RBFOX1: variants seen among roughly 807,000 people sequenced by gnomAD.
RBFOX1 encodes RNA binding protein fox-1 homolog 1.
RBFOX1 carries 8 observed loss-of-function variants against 57.7 expected under a neutral mutation model. That is an observed-to-expected ratio of 0.14 (90% confidence interval 0.08 to 0.25). The LOEUF (loss-of-function observed/expected upper bound fraction) is 0.25. RBFOX1 is among the 10% of genes least tolerant of loss of function. The pLI is 1.00. For synonymous variants in RBFOX1, 326 were observed against 222.4 expected (o/e 1.47, Z -4.15); for missense variants, 611 against 548.5 (o/e 1.11, Z -1.14).
intron 2 of RBFOX1, among the ~76,000 whole-genome samples, chr16:6,643,664 G>A (rs1310905499): frequency 6.6e-6 from 1 of 152,162 alleles, no homozygotes; most frequent in Non-Finnish European, 1.5e-5. Context: ...ATAGCTCGTA[G>A]ACCAGATGGA....
intron 1 of RBFOX1, among the ~76,000 whole-genome samples, chr16:6,252,036 A>G (rs1245563549): frequency 6.6e-6 from 1 of 152,120 alleles, no homozygotes; most frequent in Non-Finnish European, 1.5e-5. Context: ...CGAGAATTTT[A>G]GGTCTCCTTG....
chr16:5,562,357 G>T (rs1250795554), intron 2 of RBFOX1, among the ~76,000 whole-genome samples: 3 of 152,148 alleles, frequency 2.0e-5, no homozygotes, highest in African/African-American at 7.2e-5. Context: ...GGAACTGCTG[G>T]GGTCAGGATT....
intron 3 of RBFOX1, among the ~76,000 whole-genome samples, chr16:5,742,574 T>C (rs76526268): frequency 5.7e-3 from 875 of 152,280 alleles, no homozygotes; most frequent in Non-Finnish European, 9.5e-3. Flanking sequence ...TGGCACATAG[T>C]AGATATCCAC....
chr16:6,817,580 C>T (rs962772363), intron 3 of RBFOX1, among the ~76,000 whole-genome samples: 5 of 149,648 alleles, frequency 3.3e-5, no homozygotes, highest in African/African-American at 4.9e-5. Context: ...GTGGCGCATG[C>T]GTGTAATTGC....
chr16:5,565,350 G>T (rs1417490142), intron 2 of RBFOX1, among the ~76,000 whole-genome samples: 1 of 152,176 alleles, frequency 6.6e-6, no homozygotes, highest in African/African-American at 2.4e-5. Flanking sequence ...TCATGGCCGG[G>T]CGCAGTGGCT....
rs184083770 is a variant in RBFOX1 at position 5,831,458 on chromosome 16, A to C, written c.319-35845A>C. ...TATCCTGTAGAACTGTAAGCCAATT[A>C]AACCTCTTTTCTCTTTTATTATTAT... On this transcript the variant is annotated intron_variant, in intron 3 of 19. Transcript: ENST00000641259. Among the ~76,000 whole-genome samples the C allele has an allele frequency of 1.0e-3, 143 of 141,238 alleles. 2 individuals carry two copies. Among genetic ancestry groups the C allele is most frequent in the African/African-American group, 3.7e-3 (137 of 37,446 alleles). 92.7% of individuals were successfully genotyped at this position (141,238 alleles called of 152,430 possible). A position where few individuals can be genotyped will look rare whatever the true frequency, so the allele number is the denominator to read the frequency against.
chr16:5,433,490 A>T (rs746457339), intron 1 of RBFOX1, among the ~76,000 whole-genome samples: 3 of 152,180 alleles, frequency 2.0e-5, no homozygotes, highest in Non-Finnish European at 4.4e-5. Flanking sequence ...TCCTGATGGC[A>T]TCTTTGAGGA....
intron 3 of RBFOX1, among the ~76,000 whole-genome samples, chr16:6,674,471 G>C (rs1442833956): frequency 1.3e-5 from 2 of 152,150 alleles, no homozygotes; most frequent in Non-Finnish European, 2.9e-5. Context: ...ATAGGCACCT[G>C]TCACCATGCC....
intron 1 of RBFOX1, among the ~76,000 whole-genome samples, chr16:5,352,290 A>G (rs1210927315): frequency 6.6e-6 from 1 of 152,184 alleles, no homozygotes; most frequent in Non-Finnish European, 1.5e-5. Flanking sequence ...CTGAGCAGCT[A>G]TATCCAACTT....
At chr16:7,105,787 G>GAGAGAA (rs2063481720) in intron 4 of RBFOX1, among the ~76,000 whole-genome samples, 2 of 88,656 alleles carry the variant, frequency 2.3e-5, no homozygotes, top group African/African-American at 1.1e-4. Flanking sequence ...GATGTATATA[G>GAGAGAA]AGATAGATAG....
chr16:7,261,267 A>G (rs988575294), intron 4 of RBFOX1, among the ~76,000 whole-genome samples: 2 of 152,218 alleles, frequency 1.3e-5, no homozygotes, highest in African/African-American at 2.4e-5. Flanking sequence ...TAAAGGAGAC[A>G]GTATATGATG....
intron 3 of RBFOX1, among the ~76,000 whole-genome samples, chr16:6,994,058 A>C (rs2091912754): frequency 1.3e-5 from 2 of 152,142 alleles, no homozygotes; most frequent in Non-Finnish European, 2.9e-5. Flanking sequence ...GGAGTTTAAC[A>C]AACAGGCCTT....
intron 1 of RBFOX1, among the ~76,000 whole-genome samples, chr16:6,073,574 C>T (rs577652632): frequency 1.4e-4 from 21 of 152,248 alleles, no homozygotes; most frequent in East Asian, 3.9e-4. Context: ...TGCTTTAGAA[C>T]GTAATACACT....
chr16:6,756,155 A>T (rs1040987259), intron 3 of RBFOX1, among the ~76,000 whole-genome samples: 1 of 151,694 alleles, frequency 6.6e-6, no homozygotes, highest in African/African-American at 2.4e-5. Context: ...TCAAGCATTT[A>T]AAAAATATAT....
chr16:7,083,844 G>A (rs539862452), intron 4 of RBFOX1, among the ~76,000 whole-genome samples: 1 of 152,192 alleles, frequency 6.6e-6, no homozygotes, highest in South Asian at 2.1e-4. Flanking sequence ...TTGGCTTGGT[G>A]GCTCCCTTGG....
chr16:6,268,059 G>A (rs9941169), intron 1 of RBFOX1, among the ~76,000 whole-genome samples: 272 of 152,244 alleles, frequency 1.8e-3, no homozygotes, highest in African/African-American at 6.4e-3. Context: ...TCACTCTTGG[G>A]CTGAATGTAT....
At chr16:7,120,937 G>A (rs1273002357) in intron 4 of RBFOX1, among the ~76,000 whole-genome samples, 4 of 151,294 alleles carry the variant, frequency 2.6e-5, no homozygotes, top group African/African-American at 9.7e-5. Context: ...TTAGTCCCAG[G>A]AGTCCAAGGC....
At chr16:5,569,628 C>T (rs59887629) in intron 2 of RBFOX1, among the ~76,000 whole-genome samples, 65,785 of 150,868 alleles carry the variant, frequency 0.44, 14,558 homozygotes, top group East Asian at 0.53. Context: ...AATAAAGTCC[C>T]TAAAGTCAAT....
chr16:7,581,278 G>T (rs1191144945), intron 6 of RBFOX1, among the ~76,000 whole-genome samples: 3 of 152,150 alleles, frequency 2.0e-5, no homozygotes, highest in Admixed American at 6.5e-5. Flanking sequence ...ATACCCTCGG[G>T]CACTTTCAGG....
Sources: gnomAD v4.1 joint callset for allele counts (sites outside exome capture counted in the v4.1 genomes callset) on GRCh38, gnomAD v4.1.1 for gene constraint, MANE v1.5 for transcripts, NCBI Gene and HGNC (gene_info 2026-07-23, HGNC 2026-07-21) for gene names.